GPR83: variants seen among roughly 807,000 people sequenced by gnomAD.
GPR83 encodes the protein G protein-coupled receptor 83.
In GPR83, 23 loss-of-function variants were observed where a neutral mutation model predicts 28.0. The observed-to-expected ratio is 0.82, with a 90% CI of 0.59 to 1.16. The LOEUF (loss-of-function observed/expected upper bound fraction) is 1.16, where lower values mean the gene tolerates loss of function less well. Ranked by LOEUF, GPR83 falls within the 50% of genes most tolerant of loss-of-function variation. GPR83 has a pLI of 0.00. For missense variants in GPR83, 610 were observed against 536.6 expected (o/e 1.14, Z -1.35); for synonymous variants, 234 against 215.4 (o/e 1.09, Z -0.76).
In GPR83 at chr11:94,380,239, A is replaced by G. The variant is rs757854013; in HGVS notation, c.1182T>C (p.Ala394=). The change falls in exon 4 of 4, where the codon GCT becomes GCC. Residue 394 remains alanine, a synonymous_variant. Transcript: ENST00000243673. Reference sequence around the variant, plus strand: ...TGGGCAGGAGGTTATTGGCAAGGGGAGCCCTCTGGCCATCATTCTTCTCTG... The same window carrying G: ...TGGGCAGGAGGTTATTGGCAAGGGGGGCCCTCTGGCCATCATTCTTCTCTG... The part of the protein sequence containing the change: ...AWTEKNDGQR[A]PLANNLLPTS... 2.6e-6 allele frequency: 4 copies of G among 1,527,500 alleles called. No individual in the cohort carries two copies. Among genetic ancestry groups the G allele is most frequent in the Non-Finnish European group, 3.5e-6 (4 of 1,139,380 alleles). 94.6% of individuals were successfully genotyped at this position (1,527,500 alleles called of 1,614,324 possible).
rs148819232 is a variant in GPR83 at position 94,383,518 on chromosome 11, C to T, written c.648-2745G>A. ...AACTGATGGAGATAGAGACAAAAAACCCTTCAAAAAAATCAGTGAAACCAG... is the reference window on the plus strand; with the variant it reads ...AACTGATGGAGATAGAGACAAAAAATCCTTCAAAAAAATCAGTGAAACCAG... On this transcript the variant is annotated intron_variant, in intron 3 of 3. Transcript: ENST00000243673. 3.9e-3 allele frequency among the ~76,000 whole-genome samples: 593 copies of T among 152,098 alleles called. 4 individuals are homozygous for T. Among genetic ancestry groups the T allele is most frequent in the African/African-American group, 0.014 (573 of 41,500 alleles).
chr11:94,396,193 C>T (rs1944864589), intron 2 of GPR83, among the ~76,000 whole-genome samples: 1 of 152,196 alleles, frequency 6.6e-6, no homozygotes, highest in Non-Finnish European at 1.5e-5. Flanking sequence ...GCACTCCAGC[C>T]TGAGCAACAA....
intron 3 of GPR83, among the ~76,000 whole-genome samples, chr11:94,387,763 G>T (rs897815752): frequency 6.6e-5 from 10 of 152,156 alleles, no homozygotes; most frequent in Admixed American, 3.3e-4. Flanking sequence ...GGAGGAGCTG[G>T]TACCATTCCT....
intron 3 of GPR83, among the ~76,000 whole-genome samples, chr11:94,384,590 G>A (rs1944728625): frequency 6.6e-6 from 1 of 152,178 alleles, no homozygotes; most frequent in South Asian, 2.1e-4. Flanking sequence ...CCCTTTCCTA[G>A]CCAAGGAAAG....
chr11:94,390,444 T>C (rs1944806301), intron 3 of GPR83, among the ~76,000 whole-genome samples: 1 of 152,162 alleles, frequency 6.6e-6, no homozygotes, highest in South Asian at 2.1e-4. Flanking sequence ...ACCACTCCTA[T>C]TCAACGTAGT....
intron 3 of GPR83, among the ~76,000 whole-genome samples, chr11:94,383,404 C>G (rs895210075): frequency 6.6e-6 from 1 of 152,000 alleles, no homozygotes; most frequent in Non-Finnish European, 1.5e-5. Flanking sequence ...AAATTGACAC[C>G]TTAACATCAA....
intron 3 of GPR83, among the ~76,000 whole-genome samples, chr11:94,390,395 C>T (rs1944805573): frequency 6.6e-6 from 1 of 152,096 alleles, no homozygotes; most frequent in South Asian, 2.1e-4. Context: ...TGGAAGCATT[C>T]CCTTTGAAAA....
intron 3 of GPR83, among the ~76,000 whole-genome samples, chr11:94,389,613 C>A (rs547057108): frequency 6.6e-6 from 1 of 152,320 alleles, no homozygotes; most frequent in Admixed American, 6.5e-5. Flanking sequence ...ATCAAAACCA[C>A]AATGAGATAC....
At chr11:94,384,616 C>T (rs147626701) in intron 3 of GPR83, among the ~76,000 whole-genome samples, 209 of 152,178 alleles carry the variant, frequency 1.4e-3, no homozygotes, top group Admixed American at 2.9e-3. Flanking sequence ...ACAGACGGCA[C>T]CTGGAAAATC....
At chr11:94,387,997 C>T (rs1411350315) in intron 3 of GPR83, among the ~76,000 whole-genome samples, 3 of 152,210 alleles carry the variant, frequency 2.0e-5, no homozygotes, top group African/African-American at 7.2e-5. Flanking sequence ...GGCTTCATCC[C>T]TGGGATGCAA....
At chr11:94,388,524 C>A (rs1309742362) in intron 3 of GPR83, among the ~76,000 whole-genome samples, 1 of 152,034 alleles carries the variant, frequency 6.6e-6, no homozygotes, top group African/African-American at 2.4e-5. Context: ...TCTTATACAC[C>A]AATAACAGAC....
intron 3 of GPR83, among the ~76,000 whole-genome samples, chr11:94,386,355 C>A (rs1189422979): frequency 1.3e-5 from 2 of 152,206 alleles, no homozygotes; most frequent in East Asian, 3.9e-4. Flanking sequence ...ATAATATTAA[C>A]CTTAAATGTA....
Position 94,400,870 on chromosome 11 carries a change from G to A in GPR83, c.378C>T (p.Pro126=), listed in dbSNP as rs1311703351. The part of the protein sequence containing the change: ...ADIMITLLNT[P]FTLVRFVNST... ...GCAGCGGGCCCCTTACCAAAGTGAA[G>A]GGGGTGTTGAGCAGCGTGATCATTA... The change falls in exon 1 of 4, where the codon CCC becomes CCT. Residue 126 remains proline, a synonymous_variant. Coordinates refer to ENST00000243673, the MANE Select transcript of GPR83 (RefSeq NM_016540.4). 2 of 1,613,872 alleles carry A rather than the reference G, an allele frequency of 1.2e-6. No homozygotes were observed. Among genetic ancestry groups the A allele is most frequent in the Non-Finnish European group, 1.7e-6 (2 of 1,179,814 alleles).
intron 3 of GPR83, among the ~76,000 whole-genome samples, chr11:94,392,579 C>T (rs1156817497): frequency 1.3e-5 from 2 of 152,158 alleles, no homozygotes; most frequent in African/African-American, 4.8e-5. Context: ...AATCTCAGCA[C>T]TTTGGGAGCC....
At chr11:94,396,216 G>T (rs981174591) in intron 2 of GPR83, among the ~76,000 whole-genome samples, 183 bp downstream of exon 2, 14 of 152,098 alleles carry the variant, frequency 9.2e-5, no homozygotes, top group Non-Finnish European at 1.8e-4. Flanking sequence ...GTGAAACTCT[G>T]TCTCAAAAAA....
At chr11:94,393,345 G>A (rs555849722) in intron 3 of GPR83, 140 bp downstream of exon 3, 8 of 703,840 alleles carry the variant, frequency 1.1e-5, no homozygotes, top group East Asian at 2.6e-5. Flanking sequence ...GGATGGGAGC[G>A]AGCCAGAGAA....
In GPR83 at chr11:94,380,322, G is replaced by A. The variant is rs780637001; in HGVS notation, c.1099C>T (p.Pro367Ser). The part of the protein sequence containing the change: ...KALLSMCQRP[P>S]KPQEDRPPSP... ...GGTGGCCTGTCCTCCTGAGGCTTGGGAGGTCTTTGACACATGCTCAGTAAT... is the reference window on the plus strand; with the variant it reads ...GGTGGCCTGTCCTCCTGAGGCTTGGAAGGTCTTTGACACATGCTCAGTAAT... Residue 367 changes from proline to serine, a missense_variant, in exon 4 of 4, where the codon CCC becomes TCC. Transcript: ENST00000243673. 10 of 1,611,608 alleles carry A rather than the reference G, an allele frequency of 6.2e-6. No homozygotes were observed. The highest frequency in any genetic ancestry group is 5.1e-6 in the Non-Finnish European group (6 of 1,178,316).
chr11:94,380,507 C>T lies in GPR83; in HGVS notation c.914G>A (p.Trp305Ter). The T allele has an allele frequency of 6.2e-7, 1 of 1,614,198 alleles. No homozygotes were observed. Among genetic ancestry groups the T allele is most frequent in the Middle Eastern group, 1.6e-4 (1 of 6,062 alleles). The change falls in exon 4 of 4, where the codon TGG becomes TAG. Residue 305 changes from tryptophan (W) to a stop codon, truncating the protein, a stop_gained. Transcript: ENST00000243673. LOFTEE classifies it high-confidence loss of function. ...GAGGACGTAGCAGTTGAGGGGGAACCAGCAGAGGGCAAAGAGGACTACCAC... is the reference window on the plus strand; with the variant it reads ...GAGGACGTAGCAGTTGAGGGGGAACTAGCAGAGGGCAAAGAGGACTACCAC... ...MLVVVLFALC[W>*]FPLNCYVLLL...
At chr11:94,384,037 G>T (rs907967296) in intron 3 of GPR83, among the ~76,000 whole-genome samples, 2 of 151,984 alleles carry the variant, frequency 1.3e-5, no homozygotes, top group Non-Finnish European at 2.9e-5. Context: ...CAAAAAAAAA[G>T]AAAATTACAG....
Sources: allele counts gnomAD v4.1 joint callset (sites outside exome capture counted in the v4.1 genomes callset), GRCh38; gene constraint gnomAD v4.1.1; transcripts MANE v1.5; gene names NCBI Gene and HGNC (gene_info 2026-07-23, HGNC 2026-07-21).